Variants in ACYP2 observed in about 807,000 individuals in gnomAD.
The protein encoded by ACYP2 is acylphosphatase-2.
ACYP2 carries 12 observed loss-of-function variants against 11.2 expected under a neutral mutation model. The ratio of observed to expected loss-of-function variants is 1.08; its 90% CI spans 0.69 to 1.74. The LOEUF is 1.74. Ranked by LOEUF, ACYP2 falls within the 40% of genes most tolerant of loss-of-function variation. The pLI is 0.00. For missense variants in ACYP2, 134 were observed against 101.9 expected, an observed-to-expected ratio of 1.31 and a Z score of -1.35; for synonymous variants, 43 against 32.2, an observed-to-expected ratio of 1.33 and a Z score of -1.13.
At chr2:54,004,187 A>G (rs1272027923) in intron 2 of ACYP2, among the ~76,000 whole-genome samples, 1 of 151,758 alleles carries the variant, frequency 6.6e-6, no homozygotes, top group African/African-American at 2.4e-5. Context: ...GGCTTTCACC[A>G]TGTTGGCCAG....
At position 54,304,889 on chromosome 2, in the gene ACYP2, G is replaced by T; in HGVS notation, c.*87G>T. On this transcript the variant is annotated 3_prime_UTR_variant, in exon 7 of 7. Coordinates refer to ENST00000607452, the MANE Select transcript of ACYP2 (RefSeq NM_001320586.2). ...ACTAGAATAATAGTAGCAGAGTAGG[G>T]TGAAAAGGAACTTTCTGTTCTGAAA... is the stretch of plus-strand genomic sequence containing the variant. The T allele has an allele frequency of 2.0e-5, 12 of 599,762 alleles. No individual in the cohort carries two copies. Among genetic ancestry groups the T allele is most frequent in the East Asian group, 3.3e-5 (1 of 30,692 alleles). The allele number at this position is 599,762 out of a possible 1,614,324, so 37.2% of individuals were successfully genotyped here.
chr2:54,231,791 G>C (rs1323626169), intron 6 of ACYP2, among the ~76,000 whole-genome samples: 1 of 152,182 alleles, frequency 6.6e-6, no homozygotes, highest in Non-Finnish European at 1.5e-5. Flanking sequence ...TCCATTTCCT[G>C]CCTCTCGGGC....
intron 6 of ACYP2, among the ~76,000 whole-genome samples, chr2:54,237,282 T>C (rs1686526835): frequency 6.6e-6 from 1 of 152,168 alleles, no homozygotes; most frequent in East Asian, 1.9e-4. Context: ...CATGTTTTCA[T>C]TTTATATATA....
intron 2 of ACYP2, among the ~76,000 whole-genome samples, chr2:53,999,816 C>T (rs550594005): frequency 6.6e-6 from 1 of 152,218 alleles, no homozygotes; most frequent in East Asian, 1.9e-4. Context: ...CACAAAGACC[C>T]TCTCTCCCAT....
At chr2:54,296,623 T>A (rs1689534424) in intron 6 of ACYP2, among the ~76,000 whole-genome samples, 1 of 152,178 alleles carries the variant, frequency 6.6e-6, no homozygotes, top group Admixed American at 6.5e-5. Context: ...AAAAAATGCA[T>A]CCATAATGAA....
At chr2:54,130,216 C>T (rs1449731123) in intron 4 of ACYP2, among the ~76,000 whole-genome samples, 2 of 151,976 alleles carry the variant, frequency 1.3e-5, no homozygotes, top group East Asian at 1.9e-4. Context: ...AAGGAGGTGA[C>T]ATTTGTATGG....
chr2:54,127,505 G>A (rs914427186), intron 4 of ACYP2, among the ~76,000 whole-genome samples: 16 of 152,228 alleles, frequency 1.1e-4, no homozygotes, highest in Admixed American at 8.5e-4. Context: ...GCCAAAGTGG[G>A]TGGATCATGA....
chr2:54,116,518 T>G (rs1679803240), intron 4 of ACYP2, among the ~76,000 whole-genome samples: 4 of 148,326 alleles, frequency 2.7e-5, no homozygotes, highest in African/African-American at 1.0e-4. Flanking sequence ...TTTTTTTTTT[T>G]GCTCACCCTA....
intron 2 of ACYP2, among the ~76,000 whole-genome samples, chr2:53,975,872 C>T (rs1671454995): frequency 6.6e-6 from 1 of 152,060 alleles, no homozygotes; most frequent in Admixed American, 6.6e-5. Context: ...TTTAACCAGA[C>T]CTGGAGGGAG....
intron 3 of ACYP2, among the ~76,000 whole-genome samples, chr2:54,055,593 C>G (rs1250110277): frequency 6.6e-6 from 1 of 151,922 alleles, no homozygotes; most frequent in Admixed American, 6.6e-5. Context: ...AGAAGTTAAT[C>G]GAATTTCTTA....
At chr2:54,218,650 C>G (rs1021435551) in intron 6 of ACYP2, among the ~76,000 whole-genome samples, 1 of 151,856 alleles carries the variant, frequency 6.6e-6, no homozygotes, top group Non-Finnish European at 1.5e-5. Context: ...TTTTTCCTTT[C>G]AAATAACAAG....
chr2:54,125,578 T>C (rs1572812414), intron 4 of ACYP2, among the ~76,000 whole-genome samples: 1 of 150,934 alleles, frequency 6.6e-6, no homozygotes, highest in East Asian at 2.0e-4. Flanking sequence ...GGTGAAACCC[T>C]GTCTCTACTA....
intron 6 of ACYP2, among the ~76,000 whole-genome samples, chr2:54,156,912 C>G (rs1482925458): frequency 6.6e-6 from 1 of 152,192 alleles, no homozygotes; most frequent in Non-Finnish European, 1.5e-5. Context: ...AGGTGATCCA[C>G]CCGCCTCGGC....
chr2:54,152,131 TTTTTTG>T (rs1682204924), intron 6 of ACYP2, among the ~76,000 whole-genome samples: 1 of 149,488 alleles, frequency 6.7e-6, no homozygotes. Context: ...TTTTTTTTTT[TTTTTTG>T]AGGCAGAGTT....
At chr2:54,147,726 T>C (rs1003751226) in intron 6 of ACYP2, among the ~76,000 whole-genome samples, 39 of 152,228 alleles carry the variant, frequency 2.6e-4, no homozygotes, top group Admixed American at 8.5e-4. Flanking sequence ...GGTCCTACTA[T>C]GTTGTCTATG....
intron 4 of ACYP2, among the ~76,000 whole-genome samples, chr2:54,128,201 G>A (rs1302560104): frequency 6.6e-6 from 1 of 152,190 alleles, no homozygotes; most frequent in Non-Finnish European, 1.5e-5. Context: ...ACTGAAGCAT[G>A]CACTGGTTTT....
At chr2:54,207,821 G>C (rs1244861224) in intron 6 of ACYP2, among the ~76,000 whole-genome samples, 6 of 152,082 alleles carry the variant, frequency 3.9e-5, no homozygotes, top group Admixed American at 3.9e-4. Flanking sequence ...CTTCTGCAAT[G>C]GTATTGTTCT....
rs111249682 is a variant in ACYP2, at chr2:54,235,641, C to T, written c.405-69047C>T. ...CTGGGATTACAGGCGTGAGCCACCG[C>T]GCCTGGCCAACCTATAGGGTTTTTT... is the stretch of plus-strand genomic sequence containing the variant. On this transcript the variant is annotated intron_variant, in intron 6 of 6. Transcript: ENST00000607452. Among the ~76,000 whole-genome samples the T allele has an allele frequency of 3.1e-3, 472 of 152,272 alleles. 3 individuals carry two copies. The highest frequency in any genetic ancestry group is 0.011 in the African/African-American group (441 of 41,558).
intron 4 of ACYP2, among the ~76,000 whole-genome samples, chr2:54,131,586 C>G (rs1421547028): frequency 1.3e-5 from 2 of 151,948 alleles, no homozygotes; most frequent in African/African-American, 4.8e-5. Flanking sequence ...ATGGTTTTTT[C>G]CATGTAATTC....
Sources: allele counts gnomAD v4.1 joint callset (sites outside exome capture counted in the v4.1 genomes callset), GRCh38; gene constraint gnomAD v4.1.1; transcripts MANE v1.5; gene names NCBI Gene and HGNC (gene_info 2026-07-23, HGNC 2026-07-21).